CENPP: variants seen among roughly 807,000 people sequenced by gnomAD.
The protein encoded by CENPP is centromere protein P.
In CENPP, 24 loss-of-function variants were observed where a neutral mutation model predicts 35.6. The ratio of observed to expected loss-of-function variants is 0.67; its 90% CI spans 0.49 to 0.95. CENPP has a LOEUF of 0.95. CENPP is among the 40% of genes least tolerant of loss of function. The pLI is 0.00. For missense variants in CENPP, 332 were observed against 345.3 expected (o/e 0.96, Z 0.31); for synonymous variants, 120 against 125.5 (o/e 0.96, Z 0.29).
At chr9:92,484,532 GTAC>G (rs1846010245) in intron 5 of CENPP, among the ~76,000 whole-genome samples, 1 of 152,156 alleles carries the variant, frequency 6.6e-6, no homozygotes, top group Non-Finnish European at 1.5e-5. Context: ...TTTTGGAGAG[GTAC>G]TATGAACGTT....
intron 5 of CENPP, among the ~76,000 whole-genome samples, chr9:92,466,742 C>A (rs1845329403): frequency 6.6e-6 from 1 of 152,142 alleles, no homozygotes; most frequent in African/African-American, 2.4e-5. Context: ...AATTTTACTA[C>A]TGAGTTAGAA....
intron 5 of CENPP, chr9:92,600,613 C>T: frequency 2.6e-6 from 4 of 1,562,262 alleles, no homozygotes; most frequent in Non-Finnish European, 3.5e-6. Context: ...ACCAGAAAGA[C>T]AGCGCAAGTC....
chr9:92,370,628 G>A (rs1202852898), intron 4 of CENPP, among the ~76,000 whole-genome samples: 3 of 151,978 alleles, frequency 2.0e-5, no homozygotes, highest in South Asian at 2.1e-4. Context: ...ACACAGTGGC[G>A]CATCACCATT....
chr9:92,585,849 T>C (rs1007656804), intron 5 of CENPP, among the ~76,000 whole-genome samples: 20 of 152,312 alleles, frequency 1.3e-4, no homozygotes, highest in African/African-American at 4.1e-4. Flanking sequence ...GGGGCGGCTG[T>C]GACGATAGCA....
chr9:92,546,883 C>A (rs746973421), intron 5 of CENPP, among the ~76,000 whole-genome samples: 12 of 152,116 alleles, frequency 7.9e-5, no homozygotes, highest in Non-Finnish European at 1.5e-4. Context: ...AATTTCAAAT[C>A]TTCCCACAAG....
intron 5 of CENPP, among the ~76,000 whole-genome samples, chr9:92,515,767 G>A (rs983428631): frequency 6.6e-6 from 1 of 152,142 alleles, no homozygotes; most frequent in African/African-American, 2.4e-5. Flanking sequence ...GAATTATAGA[G>A]AGAGAGTTTT....
At chr9:92,429,167 T>A (rs1423190594) in intron 5 of CENPP, among the ~76,000 whole-genome samples, 1 of 152,158 alleles carries the variant, frequency 6.6e-6, no homozygotes, top group Non-Finnish European at 1.5e-5. Context: ...CACAGTACCC[T>A]CCAATGTGCA....
chr9:92,606,552 T>C (rs966593827), intron 5 of CENPP, among the ~76,000 whole-genome samples: 1 of 152,110 alleles, frequency 6.6e-6, no homozygotes, highest in Non-Finnish European at 1.5e-5. Flanking sequence ...AATGAAAATA[T>C]GTATGTGCAA....
At chr9:92,454,118 T>C (rs368166659) in intron 5 of CENPP, among the ~76,000 whole-genome samples, 3 of 152,362 alleles carry the variant, frequency 2.0e-5, no homozygotes, top group African/African-American at 7.2e-5. Context: ...TAATATTTTG[T>C]ATTCACCAGA....
chr9:92,369,354 C>G (rs946076569), intron 4 of CENPP, among the ~76,000 whole-genome samples: 3 of 152,072 alleles, frequency 2.0e-5, no homozygotes, highest in African/African-American at 4.8e-5. Context: ...GGTCAGAGGA[C>G]CTGTCCCTAG....
At chr9:92,591,871 G>A (rs1380072332) in intron 5 of CENPP, among the ~76,000 whole-genome samples, 7 of 152,046 alleles carry the variant, frequency 4.6e-5, no homozygotes, top group Admixed American at 3.9e-4. Context: ...AATTTATTTC[G>A]TTATTTATTA....
chr9:92,411,112 A>G (rs571711147), intron 5 of CENPP, among the ~76,000 whole-genome samples: 3 of 152,008 alleles, frequency 2.0e-5, no homozygotes. Context: ...ATCTGGGACT[A>G]CAGGCGCCTG....
intron 4 of CENPP, among the ~76,000 whole-genome samples, chr9:92,373,318 G>C (rs1312558099): frequency 6.6e-6 from 1 of 151,804 alleles, no homozygotes; most frequent in Non-Finnish European, 1.5e-5. Context: ...CCTGTTTTCA[G>C]GTTTTGAGAT....
At chr9:92,531,036 C>T (rs886515236) in intron 5 of CENPP, among the ~76,000 whole-genome samples, 1 of 152,096 alleles carries the variant, frequency 6.6e-6, no homozygotes, top group East Asian at 1.9e-4. Context: ...TTTCAGTATA[C>T]TTCCTATTAG....
chr9:92,352,505 G>GTGTGTGTGTATA, intron 4 of CENPP, among the ~76,000 whole-genome samples: 3 of 49,786 alleles, frequency 6.0e-5, no homozygotes, highest in Non-Finnish European at 9.9e-5. Flanking sequence ...GTGTGTGTGT[G>GTGTGTGTGTATA]TATACATATA....
intron 5 of CENPP, among the ~76,000 whole-genome samples, chr9:92,449,786 C>T (rs10992342): frequency 0.37 from 56,022 of 151,890 alleles, 12,615 homozygotes; most frequent in African/African-American, 0.63. Flanking sequence ...TGCTGCTCCC[C>T]CTTCTCCTTC....
chr9:92,367,538 C>A (rs193106240), intron 4 of CENPP, among the ~76,000 whole-genome samples: 156 of 152,206 alleles, frequency 1.0e-3, no homozygotes, highest in African/African-American at 3.7e-3. Flanking sequence ...CTAGAGAACC[C>A]ATTTCTTGGT....
chr9:92,510,855 T>G (rs1847290075), intron 5 of CENPP, among the ~76,000 whole-genome samples: 1 of 152,190 alleles, frequency 6.6e-6, no homozygotes, highest in Non-Finnish European at 1.5e-5. Context: ...GAAGGATGGA[T>G]AGCATGAAGT....
Position 92,570,957 on chromosome 9 carries a change from ATTC to A in CENPP, c.565-40352_565-40350del, listed in dbSNP as rs1445257347. 5.3e-5 allele frequency among the ~76,000 whole-genome samples: 8 copies of A among 151,400 alleles called. No homozygotes were observed. The East Asian group carries it at 1.6e-3, about 29-fold the overall frequency. On this transcript the variant is annotated intron_variant, in intron 5 of 7. Transcript: ENST00000375587. ...TATCATTTTTTATTGCATCTATTTGATTCTTCTCTCTTTTCTTCTTTATTAGTC... is the reference window on the plus strand; with the variant it reads ...TATCATTTTTTATTGCATCTATTTGATTCTCTCTTTTCTTCTTTATTAGTC...
Sources: gnomAD v4.1 joint callset for allele counts (sites outside exome capture counted in the v4.1 genomes callset) on GRCh38, gnomAD v4.1.1 for gene constraint, MANE v1.5 for transcripts, NCBI Gene and HGNC (gene_info 2026-07-23, HGNC 2026-07-21) for gene names.